CTNND2: variants seen among roughly 807,000 people sequenced by gnomAD.
CTNND2 encodes catenin delta-2.
In CTNND2, 22 loss-of-function variants were observed where a neutral mutation model predicts 144.4. That is an observed-to-expected ratio of 0.15 (90% CI 0.11 to 0.22). The LOEUF is 0.22. CTNND2 is among the 10% of genes least tolerant of loss of function. The pLI, the probability that CTNND2 is intolerant of heterozygous loss-of-function variation, is 1.00. For synonymous variants in CTNND2, 751 were observed against 695.6 expected, an observed-to-expected ratio of 1.08 and a Z score of -1.25; for missense variants, 1,353 against 1,618.8, an observed-to-expected ratio of 0.84 and a Z score of 2.82.
At chr5:11,756,346 T>C (rs1237408773) in intron 1 of CTNND2, among the ~76,000 whole-genome samples, 1 of 151,722 alleles carries the variant, frequency 6.6e-6, no homozygotes, top group Non-Finnish European at 1.5e-5. Context: ...GAAAAGTCAA[T>C]AATCACCTCT....
chr5:11,540,942 T>G (rs1774673954), intron 3 of CTNND2, among the ~76,000 whole-genome samples: 1 of 152,196 alleles, frequency 6.6e-6, no homozygotes, highest in East Asian at 1.9e-4. Context: ...TGTTATTATT[T>G]AAAGGGGACA....
At position 11,276,441 on chromosome 5, in the gene CTNND2, T is replaced by C. The variant is rs189045547; in HGVS notation, c.1629-39618A>G. ...ACTTCCCAGGCCCCTTCTTGATCTC[T>C]TTCCACAATTCTCCCTCATTGCTTG... On this transcript the variant is annotated intron_variant, in intron 9 of 21. Coordinates refer to ENST00000304623, the MANE Select transcript of CTNND2 (RefSeq NM_001332.4). 4.4e-4 allele frequency among the ~76,000 whole-genome samples: 67 copies of C among 152,296 alleles called. 1 individual carries two copies. The highest frequency in any genetic ancestry group is 7.8e-4 in the Non-Finnish European group (53 of 68,026).
chr5:11,271,389 G>T (rs553030638), intron 9 of CTNND2, among the ~76,000 whole-genome samples: 1 of 152,046 alleles, frequency 6.6e-6, no homozygotes, highest in Admixed American at 6.5e-5. Context: ...TTGGCAATTT[G>T]GGTAACACTT....
At chr5:11,644,012 G>A (rs1357544976) in intron 2 of CTNND2, among the ~76,000 whole-genome samples, 1 of 152,142 alleles carries the variant, frequency 6.6e-6, no homozygotes, top group African/African-American at 2.4e-5. Flanking sequence ...AATACATAAA[G>A]CAGACCAATG....
chr5:11,018,490 G>T (rs1428257068), intron 17 of CTNND2, among the ~76,000 whole-genome samples: 1 of 152,228 alleles, frequency 6.6e-6, no homozygotes, highest in Non-Finnish European at 1.5e-5. Context: ...CGGGCCAAAA[G>T]CTGGGCCTCT....
At chr5:11,188,379 C>A (rs1735871752) in intron 11 of CTNND2, among the ~76,000 whole-genome samples, 1 of 152,164 alleles carries the variant, frequency 6.6e-6, no homozygotes, top group African/African-American at 2.4e-5. Context: ...TGCATGTTCT[C>A]ACTTAACTTA....
intron 1 of CTNND2, among the ~76,000 whole-genome samples, chr5:11,827,380 A>G (rs1793658528): frequency 2.0e-5 from 3 of 152,210 alleles, no homozygotes; most frequent in Non-Finnish European, 4.4e-5. Context: ...AAAGATTGCA[A>G]GTCAAGAATC....
intron 16 of CTNND2, among the ~76,000 whole-genome samples, chr5:11,049,796 G>A (rs2149580074): frequency 6.6e-6 from 1 of 152,254 alleles, no homozygotes; most frequent in East Asian, 1.9e-4. Flanking sequence ...TTTTCCTTAA[G>A]GGGAAATATC....
At chr5:10,980,488 C>T (rs1453054299) in intron 21 of CTNND2, among the ~76,000 whole-genome samples, 3 of 152,152 alleles carry the variant, frequency 2.0e-5, no homozygotes, top group African/African-American at 4.8e-5. Flanking sequence ...GACAGTGTGG[C>T]GATTCCTCAA....
At chr5:11,333,850 C>G (rs998032697) in intron 9 of CTNND2, among the ~76,000 whole-genome samples, 1 of 152,164 alleles carries the variant, frequency 6.6e-6, no homozygotes, top group Non-Finnish European at 1.5e-5. Flanking sequence ...CCTTCAGAAG[C>G]CACACACTGC....
chr5:11,561,369 A>G (rs754476781), intron 3 of CTNND2, among the ~76,000 whole-genome samples: 2 of 152,246 alleles, frequency 1.3e-5, no homozygotes, highest in Non-Finnish European at 2.9e-5. Context: ...GAGGAAAGCC[A>G]AGACAGAAAT....
chr5:11,560,799 A>G (rs2150100643), intron 3 of CTNND2, among the ~76,000 whole-genome samples: 1 of 152,360 alleles, frequency 6.6e-6, no homozygotes, highest in African/African-American at 2.4e-5. Flanking sequence ...AAAGCATCAT[A>G]GGCTCTGAGA....
At chr5:11,713,196 T>C (rs1254008347) in intron 2 of CTNND2, among the ~76,000 whole-genome samples, 1 of 152,194 alleles carries the variant, frequency 6.6e-6, no homozygotes, top group Non-Finnish European at 1.5e-5. Context: ...ACAAATAACA[T>C]TTGTTTTTGT....
intron 10 of CTNND2, among the ~76,000 whole-genome samples, chr5:11,233,770 G>A (rs571361576): frequency 1.1e-4 from 17 of 151,606 alleles, no homozygotes; most frequent in Middle Eastern, 3.4e-3. Flanking sequence ...ACATATGCAC[G>A]CCTCCCTATG....
chr5:11,902,548 G>C (rs960777502), intron 1 of CTNND2, among the ~76,000 whole-genome samples: 3 of 152,100 alleles, frequency 2.0e-5, no homozygotes, highest in African/African-American at 7.2e-5. Context: ...CTCCTAGGGA[G>C]TTTCAGCACC....
chr5:11,300,483 T>C (rs1205392521), intron 9 of CTNND2, among the ~76,000 whole-genome samples: 1 of 152,058 alleles, frequency 6.6e-6, no homozygotes, highest in African/African-American at 2.4e-5. Flanking sequence ...TGTTCTGCCA[T>C]CTCCACCTCC....
At chr5:11,154,152 T>TA (rs1758003140) in intron 12 of CTNND2, among the ~76,000 whole-genome samples, 1 of 152,238 alleles carries the variant, frequency 6.6e-6, no homozygotes, top group Non-Finnish European at 1.5e-5. Context: ...ATGACACTGA[T>TA]ATGGTGTCAC....
intron 12 of CTNND2, among the ~76,000 whole-genome samples, chr5:11,119,813 G>C (rs765732416): frequency 6.6e-6 from 1 of 152,122 alleles, no homozygotes; most frequent in Non-Finnish European, 1.5e-5. Flanking sequence ...TTAGGGTAGC[G>C]TGTGTACACC....
chr5:11,810,761 C>A (rs10036087), intron 1 of CTNND2, among the ~76,000 whole-genome samples: 15,113 of 152,060 alleles, frequency 0.099, 1,773 homozygotes, highest in African/African-American at 0.28. Context: ...AAGCAATATG[C>A]CTCTTAAATT....
Sources: allele counts gnomAD v4.1 joint callset (sites outside exome capture counted in the v4.1 genomes callset), GRCh38; gene constraint gnomAD v4.1.1; transcripts MANE v1.5; gene names NCBI Gene and HGNC (gene_info 2026-07-23, HGNC 2026-07-21).